Variants in DIDO1 observed in about 807,000 individuals in gnomAD.
DIDO1 encodes the protein death-inducer obliterator 1.
Under a neutral mutation model 99.4 loss-of-function variants are expected in DIDO1, and 16 were observed. That is an observed-to-expected ratio of 0.16 (90% CI 0.11 to 0.24). DIDO1 has a LOEUF of 0.24. DIDO1 is among the 10% of genes least tolerant of loss of function. DIDO1 has a pLI of 1.00. For synonymous variants in DIDO1, 1,366 were observed against 1,239.1 expected, an observed-to-expected ratio of 1.10 and a Z score of -2.15; for missense variants, 2,996 against 3,014.0, an observed-to-expected ratio of 0.99 and a Z score of 0.14.
chr20:62,883,550 G>T (rs1157148810), intron 15 of DIDO1, among the ~76,000 whole-genome samples: 5 of 152,142 alleles, frequency 3.3e-5, no homozygotes, highest in Admixed American at 2.0e-4. Flanking sequence ...AATTGGGCCG[G>T]GTACGGTGGC....
rs1332974150 is a variant in DIDO1, at chr20:62,881,069, G to A, written c.4887C>T (p.Ser1629=). 3.7e-6 allele frequency: 6 copies of A among 1,608,672 alleles called. No homozygotes were observed. The highest frequency in any genetic ancestry group is 5.1e-6 in the Non-Finnish European group (6 of 1,179,324). ...WASGEKPPAG[S]EQDGWKAEPG... ...GCTCTGCCTTCCAGCCGTCCTGCTC[G>A]GACCCCGCTGGGGGCTTTTCGCCCG... The change falls in exon 16 of 16, where the codon TCC becomes TCT. Residue 1629 remains serine (S), a synonymous_variant. Coordinates refer to ENST00000395343, the MANE Select transcript of DIDO1 (RefSeq NM_001193369.2). This position sits in a 1 kb window ranked among gnomAD's most constrained non-coding sequence, Gnocchi z 8.3.
intron 12 of DIDO1, among the ~76,000 whole-genome samples, 184 bp downstream of exon 12, chr20:62,893,482 C>A (rs1208349701): frequency 4.6e-5 from 7 of 152,206 alleles, no homozygotes; most frequent in Non-Finnish European, 7.3e-5. Flanking sequence ...ATGTCAATTT[C>A]TAAGATCTCT....
intron 4 of DIDO1, among the ~76,000 whole-genome samples, chr20:62,909,185 C>G (rs951819860): frequency 6.6e-6 from 1 of 152,262 alleles, no homozygotes; most frequent in African/African-American, 2.4e-5. Context: ...GAAAACACGC[C>G]AAGTCACACC....
chr20:62,893,970 G>A lies in DIDO1; in HGVS notation c.2797C>T (p.Pro933Ser), dbSNP rs1568843386. Reference protein sequence around the residue: ...NVDRTYFPGPPGDGHPEPSPL... With the variant: ...NVDRTYFPGPSGDGHPEPSPL... The stretch of plus-strand genomic sequence containing the variant: ...GAGGGCTCGGGATGGCCATCTCCTG[G>A]AGGCCCAGGGAAATACGTTCTGTCC... Residue 933 changes from proline (P) to serine (S), a missense_variant, in exon 12 of 16, where the codon CCA (proline) becomes TCA (serine). Physicochemically the swap from Pro to Ser is moderately conservative, Grantham distance 74. Around this residue, in one of 5 missense-constraint regions of DIDO1, gnomAD observed 898 missense variants for 972.7 expected, o/e 0.92. Coordinates refer to ENST00000395343, the MANE Select transcript of DIDO1 (RefSeq NM_001193369.2). The A allele has an allele frequency of 1.2e-6, 2 of 1,613,198 alleles. No individual in the cohort carries two copies. The highest frequency in any genetic ancestry group is 2.2e-5 in the East Asian group (1 of 44,870).
chr20:62,909,376 G>T (rs1052531213), intron 4 of DIDO1, among the ~76,000 whole-genome samples: 2 of 152,202 alleles, frequency 1.3e-5, no homozygotes, highest in African/African-American at 4.8e-5. Flanking sequence ...GAGGCAGCTG[G>T]AGACAGCAGG....
intron 6 of DIDO1, among the ~76,000 whole-genome samples, chr20:62,901,891 G>A (rs957241202): frequency 3.3e-5 from 5 of 151,702 alleles, no homozygotes; most frequent in Non-Finnish European, 7.4e-5. Flanking sequence ...TACCACATTG[G>A]AGGAATTGTA....
At chr20:62,905,600 G>A (rs762234524) in intron 6 of DIDO1, 10 of 1,551,512 alleles carry the variant, frequency 6.4e-6, no homozygotes, top group South Asian at 2.4e-5. Flanking sequence ...ACTTACCAGA[G>A]CCTGAGAGTG....
In DIDO1 at chr20:62,911,309, A is replaced by G; in HGVS notation, c.304T>C (p.Cys102Arg). Residue 102 changes from cysteine (C) to arginine (R), a missense_variant, in exon 3 of 16, where the codon TGC (cysteine) becomes CGC (arginine). Transcript: ENST00000395343. The surrounding 1 kb of genome is among the most constrained non-coding windows in gnomAD (Gnocchi z 7.0). ...SLEDSGEPTSCPATDAETASE... is the reference protein window; with the variant it reads ...SLEDSGEPTSRPATDAETASE... ...GCTGTCTCGGCGTCTGTGGCGGGGCAGGACGTGGGCTCACCAGAATCCTCC... is the reference window on the plus strand; with the variant it reads ...GCTGTCTCGGCGTCTGTGGCGGGGCGGGACGTGGGCTCACCAGAATCCTCC... The G allele has an allele frequency of 1.2e-6, 2 of 1,608,658 alleles. No individual in the cohort carries two copies. Among genetic ancestry groups the G allele is most frequent in the Non-Finnish European group, 1.7e-6 (2 of 1,179,836 alleles).
chr20:62,899,170 A>G (rs961402541), intron 6 of DIDO1, among the ~76,000 whole-genome samples: 8 of 152,246 alleles, frequency 5.3e-5, no homozygotes, highest in African/African-American at 7.2e-5. Flanking sequence ...CCTGCCGGGA[A>G]GCCAACCGTG....
At position 62,878,597 on chromosome 20, in the gene DIDO1, A is replaced by G. The variant is rs2064143529; in HGVS notation, c.*636T>C. On this transcript the variant is annotated 3_prime_UTR_variant, in exon 16 of 16. Coordinates refer to ENST00000395343, the MANE Select transcript of DIDO1 (RefSeq NM_001193369.2). The stretch of plus-strand genomic sequence containing the variant: ...AATTGTTATTTAAAATGCAACAATT[A>G]TACTAGGACAGATGTTGCTTTAAAT... 1 of 152,252 alleles carries G rather than the reference A, an allele frequency of 6.6e-6. No homozygotes were observed. The highest frequency in any genetic ancestry group is 1.5e-5 in the Non-Finnish European group (1 of 68,046). 9.4% of individuals were successfully genotyped at this position (152,252 alleles called of 1,614,324 possible). A position where few individuals can be genotyped will look rare whatever the true frequency, so the allele number is the denominator to read the frequency against.
In DIDO1 at chr20:62,896,771, G is replaced by A. The variant is rs571752719; in HGVS notation, c.1814C>T (p.Ser605Leu). 1.1e-5 allele frequency: 17 copies of A among 1,613,946 alleles called. No individual in the cohort carries two copies. Among genetic ancestry groups the A allele is most frequent in the East Asian group, 2.2e-5 (1 of 44,882 alleles). The change falls in exon 7 of 16, where the codon TCG becomes TTG. Residue 605 changes from serine (S) to leucine (L), a missense_variant. Ser to Leu is a moderately radical substitution (Grantham distance 145). Around this residue, in one of 5 missense-constraint regions of DIDO1, gnomAD observed 898 missense variants for 972.7 expected, o/e 0.92. Coordinates refer to ENST00000395343, the MANE Select transcript of DIDO1 (RefSeq NM_001193369.2). The surrounding 1 kb of genome is among the most constrained non-coding windows in gnomAD (Gnocchi z 4.4). ...CTGCCTGGCAGCTGAAGCACCACTC[G>A]ATGGGGTAGCGGAGAGCCATGGCCT... ...PKRPWLSATP[S>L]SGASAARQAG...
At chr20:62,905,630 C>A in intron 6 of DIDO1, 1 of 1,556,692 alleles carries the variant, frequency 6.4e-7, no homozygotes, top group Non-Finnish European at 8.7e-7. Context: ...ATTAAAGAAT[C>A]AATCATTAAG....
chr20:62,919,207 C>T (rs191552425), intron 1 of DIDO1, among the ~76,000 whole-genome samples: 31 of 152,290 alleles, frequency 2.0e-4, no homozygotes, highest in South Asian at 8.3e-4. Flanking sequence ...ATCCTTCAGA[C>T]GGCAAATTCA....
intron 1 of DIDO1, among the ~76,000 whole-genome samples, chr20:62,936,617 G>A (rs913376251): frequency 6.6e-6 from 1 of 152,102 alleles, no homozygotes; most frequent in Non-Finnish European, 1.5e-5. Context: ...TGTAATCCCA[G>A]CACTTTGGGA....
At chr20:62,895,861 A>C (rs1156323490) in intron 8 of DIDO1, among the ~76,000 whole-genome samples, 1 of 152,222 alleles carries the variant, frequency 6.6e-6, no homozygotes, top group East Asian at 1.9e-4. Flanking sequence ...AAGGTGGAAA[A>C]GGCTGTCTGA....
At position 62,879,350 on chromosome 20, in the gene DIDO1, G is replaced by A. The variant is rs1325855592; in HGVS notation, c.6606C>T (p.Ala2202=). 6.4e-7 allele frequency: 1 copy of A among 1,551,932 alleles called. No homozygotes were observed. Among genetic ancestry groups the A allele is most frequent in the Admixed American group, 1.9e-5 (1 of 51,798 alleles). ...SRSRERDRDK[A]RDRERGRDRK... Reference sequence around the variant, plus strand: ...GGTCGCGGCCCCGCTCCCTGTCCCTGGCCTTGTCTCGGTCCCGCTCTCTGC... The same window carrying A: ...GGTCGCGGCCCCGCTCCCTGTCCCTAGCCTTGTCTCGGTCCCGCTCTCTGC... The change falls in exon 16 of 16, where the codon GCC becomes GCT. Residue 2202 remains alanine (A), a synonymous_variant. Coordinates refer to ENST00000395343, the MANE Select transcript of DIDO1 (RefSeq NM_001193369.2). The surrounding 1 kb of genome is among the most constrained non-coding windows in gnomAD (Gnocchi z 6.3).
At position 62,881,851 on chromosome 20, in the gene DIDO1, G is replaced by A; in HGVS notation, c.4105C>T (p.Gln1369Ter). Residue 1369 changes from glutamine to a stop codon, truncating the protein, a stop_gained, in exon 16 of 16, where the codon CAG becomes TAG. Transcript: ENST00000395343. LOFTEE classifies it low-confidence loss of function (END_TRUNC). The surrounding 1 kb of genome is among the most constrained non-coding windows in gnomAD (Gnocchi z 8.3). Reference protein sequence around the residue: ...LLDPIVQQFGQFSKDKALEEE... With the variant: ...LLDPIVQQFG ...TCTAGAGCCTTATCTTTTGAGAACT[G>A]ACCGAACTGCTGGACGATCGGATCT... 1 of 1,613,546 alleles carries A rather than the reference G, an allele frequency of 6.2e-7. No individual in the cohort carries two copies. Among genetic ancestry groups the A allele is most frequent in the Non-Finnish European group, 8.5e-7 (1 of 1,180,018 alleles).
upstream of DIDO1, chr20:62,928,576 A>G (rs753343896): frequency 6.6e-6 from 1 of 152,224 alleles, no homozygotes; most frequent in Non-Finnish European, 1.5e-5. Context: ...CATTTGGAGA[A>G]TCTACAGTCT....
In DIDO1 at chr20:62,894,240, C is replaced by A. The variant is rs748261564; in HGVS notation, c.2573-46G>T. The A allele has an allele frequency of 1.9e-6, 3 of 1,593,476 alleles. No homozygotes were observed. Among genetic ancestry groups the A allele is most frequent in the East Asian group, 4.5e-5 (2 of 44,548 alleles). On this transcript the variant is annotated intron_variant, in intron 11 of 15. Transcript: ENST00000395343. This position sits in a 1 kb window ranked among gnomAD's most constrained non-coding sequence, Gnocchi z 4.4. ...CTCTGTGAGAAACCCAGCCGGCACA[C>A]TGGTGTTTCTCACACAAAGCCGAAA... is the stretch of plus-strand genomic sequence containing the variant.
Sources: allele counts gnomAD v4.1 joint callset (sites outside exome capture counted in the v4.1 genomes callset), GRCh38; gene constraint gnomAD v4.1.1; regional missense constraint gnomAD v4.1.1; non-coding constraint Gnocchi (gnomAD v3.1); transcripts MANE v1.5; gene names NCBI Gene and HGNC (gene_info 2026-07-23, HGNC 2026-07-21).